Variants in BRAF observed in about 807,000 individuals in gnomAD.
BRAF encodes B-Raf proto-oncogene, serine/threonine kinase, also known as serine/threonine-protein kinase B-raf.
BRAF carries 16 observed loss-of-function variants against 104.6 expected under a neutral mutation model. That is an observed-to-expected ratio of 0.15 (90% CI 0.10 to 0.23). The LOEUF is 0.23. Among genes scored for constraint, BRAF ranks in the 10% least tolerant of loss-of-function variants. BRAF has a pLI of 1.00. For synonymous variants in BRAF, 310 were observed against 341.6 expected, an observed-to-expected ratio of 0.91 and a Z score of 1.02; for missense variants, 541 against 937.3, an observed-to-expected ratio of 0.58 and a Z score of 5.52.
In BRAF at chr7:140,753,119, A is replaced by T. The variant is rs71645989; in HGVS notation, c.1980+156T>A. On this transcript the variant is annotated intron_variant, in intron 16 of 19. Transcript: ENST00000644969. ...CGTTTTAAGGGTAAAGAAAAAAGTT[A>T]AAAAATCTATTTACATAAAAAATAA... Among the ~76,000 whole-genome samples the T allele has an allele frequency of 3.3e-3, 500 of 152,346 alleles. 3 individuals carry two copies. Among genetic ancestry groups the T allele is most frequent in the African/African-American group, 0.011 (473 of 41,582 alleles).
At chr7:140,833,015 A>C (rs1241555830) in intron 3 of BRAF, among the ~76,000 whole-genome samples, 1 of 151,896 alleles carries the variant, frequency 6.6e-6, no homozygotes, top group East Asian at 1.9e-4. Context: ...CTGGGACTAC[A>C]GGCACCCACC....
chr7:140,857,204 T>C (rs1186459293), intron 1 of BRAF, among the ~76,000 whole-genome samples: 1 of 152,202 alleles, frequency 6.6e-6, no homozygotes, highest in South Asian at 2.1e-4. Flanking sequence ...TTAGGTGATA[T>C]AAAAACTCAG....
intron 2 of BRAF, among the ~76,000 whole-genome samples, chr7:140,845,090 A>G (rs1467796223): frequency 6.6e-6 from 1 of 152,262 alleles, no homozygotes; most frequent in Non-Finnish European, 1.5e-5. Flanking sequence ...TGGAATAGAA[A>G]GCCCAGAAAT....
chr7:140,913,620 T>A lies in BRAF; in HGVS notation c.138+10946A>T, dbSNP rs551185210. Reference sequence around the variant, plus strand: ...GCCTCAGCCTCCAGAGTAGCTGGGATTACAGGCACATGCCACCAGGCCCAG... The same window carrying A: ...GCCTCAGCCTCCAGAGTAGCTGGGAATACAGGCACATGCCACCAGGCCCAG... On this transcript the variant is annotated intron_variant, in intron 1 of 19. Transcript: ENST00000644969. Among the ~76,000 whole-genome samples the A allele has an allele frequency of 2.6e-5, 4 of 151,940 alleles. No individual in the cohort carries two copies. The East Asian group carries it at 7.8e-4, about 29-fold the overall frequency.
chr7:140,874,975 C>T (rs1488577275), intron 1 of BRAF, among the ~76,000 whole-genome samples: 4 of 152,134 alleles, frequency 2.6e-5, no homozygotes, highest in African/African-American at 9.7e-5. Flanking sequence ...TGCCTGCTTC[C>T]CCTTTACACC....
At chr7:140,839,344 A>G (rs1170250655) in intron 2 of BRAF, among the ~76,000 whole-genome samples, 1 of 152,180 alleles carries the variant, frequency 6.6e-6, no homozygotes, top group Non-Finnish European at 1.5e-5. Flanking sequence ...TCACATATCT[A>G]TTATATAATT....
At chr7:140,793,214 A>G (rs1317249760) in intron 8 of BRAF, among the ~76,000 whole-genome samples, 1 of 152,254 alleles carries the variant, frequency 6.6e-6, no homozygotes, top group African/African-American at 2.4e-5. Flanking sequence ...ATAGTCTAAA[A>G]GGATGATAGT....
intron 1 of BRAF, among the ~76,000 whole-genome samples, chr7:140,855,063 A>T (rs983362255): frequency 2.0e-5 from 3 of 152,140 alleles, no homozygotes; most frequent in Non-Finnish European, 4.4e-5. Flanking sequence ...TCCGAAGAAT[A>T]AAAAAAAGTC....
At position 140,724,437 on chromosome 7, in the gene BRAF, T is replaced by C; in HGVS notation, c.*2057A>G. 10 of 1,055,360 alleles carry C rather than the reference T, an allele frequency of 9.5e-6. No homozygotes were observed. Among genetic ancestry groups the C allele is most frequent in the Non-Finnish European group, 1.1e-5 (10 of 873,082 alleles). The allele number at this position is 1,055,360 out of a possible 1,614,324, so 65.4% of individuals were successfully genotyped here. On this transcript the variant is annotated 3_prime_UTR_variant, in exon 20 of 20. Transcript: ENST00000644969. Reference sequence around the variant, plus strand: ...CAGTATTATTGCACAGAAGATGTTCTTCAAATCAGCGTGAATTATTTCCAC... The same window carrying C: ...CAGTATTATTGCACAGAAGATGTTCCTCAAATCAGCGTGAATTATTTCCAC...
chr7:140,823,317 C>G (rs2129055636), intron 3 of BRAF, among the ~76,000 whole-genome samples: 1 of 152,194 alleles, frequency 6.6e-6, no homozygotes, highest in African/African-American at 2.4e-5. Flanking sequence ...TAAACAACTC[C>G]CCAGCACCCC....
At chr7:140,785,457 G>A (rs980775083) in intron 10 of BRAF, among the ~76,000 whole-genome samples, 3 of 152,142 alleles carry the variant, frequency 2.0e-5, no homozygotes, top group Admixed American at 2.0e-4. Context: ...GGAAATCTCA[G>A]GTCAGGATTT....
At position 140,777,973 on chromosome 7, in the gene BRAF, T is replaced by C. The variant is rs1178938708; in HGVS notation, c.1637+18A>G. 2 of 1,610,844 alleles carry C rather than the reference T, an allele frequency of 1.2e-6. No homozygotes were observed. Among genetic ancestry groups the C allele is most frequent in the East Asian group, 2.2e-5 (1 of 44,770 alleles). On this transcript the variant is annotated intron_variant, in intron 13 of 19. Transcript: ENST00000644969. ...AATAACTTCTTTCTCTGGAAAAGAG[T>C]AATTCACACAAGCTCACCTGAGTAC...
At chr7:140,775,470 C>T (rs571037206) in intron 14 of BRAF, among the ~76,000 whole-genome samples, 97 of 152,020 alleles carry the variant, frequency 6.4e-4, no homozygotes, top group African/African-American at 2.3e-3. Context: ...GCCTTAGCCT[C>T]CCAAGTAGCT....
Position 140,720,822 on chromosome 7 carries a change from A to G in BRAF, c.*5672T>C, listed in dbSNP as rs1458106283. The G allele has an allele frequency of 9.4e-7, 1 of 1,065,986 alleles. No homozygotes were observed. Among genetic ancestry groups the G allele is most frequent in the African/African-American group, 1.6e-5 (1 of 61,112 alleles). 66.0% of individuals were successfully genotyped at this position (1,065,986 alleles called of 1,614,324 possible). On this transcript the variant is annotated 3_prime_UTR_variant, in exon 20 of 20. Transcript: ENST00000644969. ...ATGCAACGCAGTAATTTTCAAAACA[A>G]AACCAGGACTAAGCAACTTCATCAA... is the stretch of plus-strand genomic sequence containing the variant.
chr7:140,749,483 C>G (rs1448803795), intron 16 of BRAF, 65 bp from the exon 16 acceptor site: 4 of 1,531,540 alleles, frequency 2.6e-6, no homozygotes, highest in Non-Finnish European at 1.8e-6. Context: ...AAACAACCTA[C>G]TATAATTCCT....
chr7:140,902,441 C>T (rs1815759591), intron 1 of BRAF, among the ~76,000 whole-genome samples: 1 of 152,180 alleles, frequency 6.6e-6, no homozygotes, highest in African/African-American at 2.4e-5. Flanking sequence ...AAAAACCCTA[C>T]AATGACTTCT....
At chr7:140,766,444 AAAAAAAC>A (rs1422166373) in intron 14 of BRAF, among the ~76,000 whole-genome samples, 1 of 152,124 alleles carries the variant, frequency 6.6e-6, no homozygotes, top group African/African-American at 2.4e-5. Context: ...TATAATAATA[AAAAAAAC>A]AAAACAACAA....
At chr7:140,851,623 A>G in intron 1 of BRAF, among the ~76,000 whole-genome samples, 1 of 152,180 alleles carries the variant, frequency 6.6e-6, no homozygotes, top group Non-Finnish European at 1.5e-5. Context: ...TGAAGGATAT[A>G]CCTATTTTAA....
intron 1 of BRAF, among the ~76,000 whole-genome samples, chr7:140,907,311 G>C (rs759758910): frequency 6.6e-6 from 1 of 152,156 alleles, no homozygotes; most frequent in Non-Finnish European, 1.5e-5. Flanking sequence ...ACCCAGGCTG[G>C]AGTGCAGTGG....
Sources: allele counts gnomAD v4.1 joint callset (sites outside exome capture counted in the v4.1 genomes callset), GRCh38; gene constraint gnomAD v4.1.1; transcripts MANE v1.5; gene names NCBI Gene and HGNC (gene_info 2026-07-23, HGNC 2026-07-21).